Variants in ERC1 observed in about 807,000 individuals in gnomAD.
ERC1 encodes the protein ELKS/RAB6-interacting/CAST family member 1.
ERC1 carries 56 observed loss-of-function variants against 132.0 expected under a neutral mutation model. The ratio of observed to expected loss-of-function variants is 0.42; its 90% CI spans 0.34 to 0.53. The LOEUF (loss-of-function observed/expected upper bound fraction) is 0.53, where lower values mean the gene tolerates loss of function less well. Among genes scored for constraint, ERC1 ranks in the 20% least tolerant of loss-of-function variants. The pLI, the probability that ERC1 is intolerant of heterozygous loss-of-function variation, is 0.03. For synonymous variants in ERC1, 478 were observed against 476.1 expected, an observed-to-expected ratio of 1.00 and a Z score of -0.05; for missense variants, 1,202 against 1,349.9, an observed-to-expected ratio of 0.89 and a Z score of 1.72.
chr12:1,011,628 T>G (rs550821146), intron 1 of ERC1, among the ~76,000 whole-genome samples: 9 of 152,218 alleles, frequency 5.9e-5, no homozygotes, highest in Non-Finnish European at 1.3e-4. Flanking sequence ...GAGAGTATAC[T>G]GTAGATTAAA....
chr12:1,107,645 G>A (rs2154200923), intron 4 of ERC1, among the ~76,000 whole-genome samples: 1 of 152,286 alleles, frequency 6.6e-6, no homozygotes, highest in South Asian at 2.1e-4. Flanking sequence ...TGGCAAGAGT[G>A]GTGATTGAAG....
intron 15 of ERC1, among the ~76,000 whole-genome samples, chr12:1,321,342 G>GTGTGTGTGTGTGTA (rs112838015): frequency 1.1e-4 from 16 of 152,132 alleles, no homozygotes; most frequent in African/African-American, 2.4e-4. Context: ...GTGTGTGTGT[G>GTGTGTGTGTGTGTA]TATATTTTGC....
chr12:1,454,812 GT>G (rs2093496091), intron 18 of ERC1, among the ~76,000 whole-genome samples: 1 of 152,174 alleles, frequency 6.6e-6, no homozygotes, highest in Admixed American at 6.5e-5. Flanking sequence ...ACTGTTGAGT[GT>G]GATATAAATT....
At chr12:1,071,560 T>A (rs1226165277) in intron 2 of ERC1, among the ~76,000 whole-genome samples, 2 of 149,504 alleles carry the variant, frequency 1.3e-5, no homozygotes, top group Non-Finnish European at 3.0e-5. Context: ...TTTTTTTTTT[T>A]AATTGAGTTG....
intron 17 of ERC1, among the ~76,000 whole-genome samples, chr12:1,416,741 C>T (rs1291101967): frequency 6.6e-6 from 1 of 152,188 alleles, no homozygotes; most frequent in African/African-American, 2.4e-5. Flanking sequence ...GTGTACCTCA[C>T]TTTCTTCATT....
intron 2 of ERC1, among the ~76,000 whole-genome samples, chr12:1,062,902 T>G (rs991162638): frequency 2.0e-5 from 3 of 152,250 alleles, no homozygotes; most frequent in Non-Finnish European, 2.9e-5. Context: ...GGTGCATATG[T>G]GTTTATAGTT....
Position 1,236,917 on chromosome 12 carries a change from G to A in ERC1, c.2487+13G>A. 6.2e-7 allele frequency: 1 copy of A among 1,613,334 alleles called. No homozygotes were observed. Among genetic ancestry groups the A allele is most frequent in the Non-Finnish European group, 8.5e-7 (1 of 1,179,484 alleles). On this transcript the variant is annotated intron_variant, in intron 13 of 18. Transcript: ENST00000360905. ...TCAGCAGCTACAGGTTAGAACACAA[G>A]GAGAATCTGAAAGGATCGGGTGAAG... is the stretch of plus-strand genomic sequence containing the variant.
chr12:1,463,010 C>G (rs1239525635), intron 18 of ERC1, among the ~76,000 whole-genome samples: 1 of 152,150 alleles, frequency 6.6e-6, no homozygotes, highest in Admixed American at 6.5e-5. Flanking sequence ...CATCAGCCAG[C>G]CCCTCTGTGG....
chr12:1,025,206 A>G (rs1021150314), intron 1 of ERC1, among the ~76,000 whole-genome samples: 1 of 152,146 alleles, frequency 6.6e-6, no homozygotes, highest in Non-Finnish European at 1.5e-5. Context: ...TTTTTGAAAA[A>G]AAAATTCAGG....
chr12:1,029,051 T>C (rs1207893883), intron 2 of ERC1, among the ~76,000 whole-genome samples: 1 of 152,110 alleles, frequency 6.6e-6, no homozygotes, highest in African/African-American at 2.4e-5. Context: ...AGAACAGAAA[T>C]TACTTTTAAA....
chr12:1,234,796 A>G (rs1276774483), intron 12 of ERC1, among the ~76,000 whole-genome samples: 1 of 152,226 alleles, frequency 6.6e-6, no homozygotes, highest in Non-Finnish European at 1.5e-5. Flanking sequence ...TGTACACACC[A>G]GAAGTGGCAA....
intron 17 of ERC1, chr12:1,410,384 T>C (rs2091773551): frequency 7.6e-7 from 1 of 1,311,136 alleles, no homozygotes; most frequent in African/African-American, 1.5e-5. Flanking sequence ...TCTCTCTCCC[T>C]GTAGGATGAG....
chr12:1,369,075 A>G (rs767647843), intron 15 of ERC1, among the ~76,000 whole-genome samples: 10 of 152,222 alleles, frequency 6.6e-5, no homozygotes, highest in Non-Finnish European at 1.3e-4. Context: ...AATAGCATCA[A>G]TGAAATAAAA....
chr12:1,446,346 A>G (rs2093303739), intron 18 of ERC1, among the ~76,000 whole-genome samples: 1 of 152,222 alleles, frequency 6.6e-6, no homozygotes, highest in African/African-American at 2.4e-5. Flanking sequence ...ACAGAAAAAG[A>G]GAAAAATAGG....
chr12:1,024,898 T>C (rs1441595760), intron 1 of ERC1, among the ~76,000 whole-genome samples: 1 of 140,800 alleles, frequency 7.1e-6, no homozygotes, highest in African/African-American at 2.7e-5. Context: ...GGAAAAATAA[T>C]ACAAATAAAA....
intron 7 of ERC1, among the ~76,000 whole-genome samples, chr12:1,138,258 ATT>A (rs901501366): frequency 1.5e-5 from 2 of 133,440 alleles, no homozygotes; most frequent in East Asian, 2.1e-4. Context: ...TATGATATAT[ATT>A]ATATAATATA....
At chr12:1,386,278 C>T (rs1003817109) in intron 16 of ERC1, among the ~76,000 whole-genome samples, 7 of 150,528 alleles carry the variant, frequency 4.7e-5, no homozygotes, top group African/African-American at 1.7e-4. Flanking sequence ...ACATTGTGAT[C>T]TGCCCACCTC....
upstream of ERC1, chr12:990,952 A>AGTCT (rs1555185838): frequency 2.1e-3 from 313 of 150,144 alleles, 3 homozygotes; most frequent in African/African-American, 7.0e-3. Flanking sequence ...TGTGTGTGTG[A>AGTCT]GTGTGTGTGT....
Position 1,490,621 on chromosome 12 carries a change from G to T in ERC1, c.*391G>T, listed in dbSNP as rs2094308938. 3 of 254,930 alleles carry T rather than the reference G, an allele frequency of 1.2e-5. No homozygotes were observed. Among genetic ancestry groups the T allele is most frequent in the Non-Finnish European group, 2.3e-5 (3 of 131,416 alleles). 15.8% of individuals were successfully genotyped at this position (254,930 alleles called of 1,614,324 possible). On this transcript the variant is annotated 3_prime_UTR_variant, in exon 19 of 19. Coordinates refer to ENST00000360905, the MANE Select transcript of ERC1 (RefSeq NM_178040.4). Reference sequence around the variant, plus strand: ...CAGGAATGGACTTGGAGTTCAACAGGCTGAGAGGATGCCTCCAATGGACCA... The same window carrying T: ...CAGGAATGGACTTGGAGTTCAACAGTCTGAGAGGATGCCTCCAATGGACCA...
Sources: gnomAD v4.1 joint callset for allele counts (sites outside exome capture counted in the v4.1 genomes callset) on GRCh38, gnomAD v4.1.1 for gene constraint, MANE v1.5 for transcripts, NCBI Gene and HGNC (gene_info 2026-07-23, HGNC 2026-07-21) for gene names.